DNAH9: variants seen among roughly 807,000 people sequenced by gnomAD.
DNAH9 encodes the protein DNAH9 variant protein.
In DNAH9, 345 loss-of-function variants were observed where a neutral mutation model predicts 471.6. That is an observed-to-expected ratio of 0.73 (90% confidence interval 0.67 to 0.80). The LOEUF (loss-of-function observed/expected upper bound fraction) is 0.80, where lower values mean the gene tolerates loss of function less well. Ranked by LOEUF, DNAH9 falls within the 30% of genes least tolerant of loss-of-function variation. DNAH9 has a pLI of 0.00. For missense variants in DNAH9, 5,407 were observed against 5,609.2 expected (o/e 0.96, Z 1.15); for synonymous variants, 2,093 against 2,123.6 (o/e 0.99, Z 0.40).
intron 27 of DNAH9, among the ~76,000 whole-genome samples, chr17:11,722,411 G>A (rs1172141771): frequency 6.6e-6 from 1 of 152,206 alleles, no homozygotes; most frequent in Non-Finnish European, 1.5e-5. Flanking sequence ...AGCAGGAATA[G>A]GTTTTGGTGA....
At chr17:11,905,901 C>A in intron 61 of DNAH9, 92 bp downstream of exon 61, 1 of 1,419,130 alleles carries the variant, frequency 7.0e-7, no homozygotes, top group African/African-American at 1.4e-5. Context: ...TGGATTCAAG[C>A]TTCAAATATG....
At chr17:11,671,952 C>T (rs989647399) in intron 17 of DNAH9, among the ~76,000 whole-genome samples, 3 of 152,192 alleles carry the variant, frequency 2.0e-5, no homozygotes, top group Non-Finnish European at 4.4e-5. Flanking sequence ...AGGTGTCTTC[C>T]GTCTTCTAGC....
chr17:11,763,551 T>G lies in DNAH9; in HGVS notation c.7107T>G (p.Ile2369Met). ...TCCCTGCAGACTGCCCTAAGGAAAT[T>G]TATGAGCATTATTTTGTGTTTGCTG... is the stretch of plus-strand genomic sequence containing the variant. Reference protein sequence around the residue: ...EDIPADCPKEIYEHYFVFAAI... With the variant: ...EDIPADCPKEMYEHYFVFAAI... The change falls in exon 36 of 69, where the codon ATT becomes ATG. Residue 2369 changes from isoleucine (I) to methionine (M), a missense_variant. Ile to Met is a conservative substitution (Grantham distance 10). This residue lies in a region of DNAH9 where 4,636 missense variants were observed against 4,900.3 expected (regional missense o/e 0.95). Coordinates refer to ENST00000262442, the MANE Select transcript of DNAH9 (RefSeq NM_001372.4). 1.9e-6 allele frequency: 3 copies of G among 1,614,106 alleles called. No homozygotes were observed. The highest frequency in any genetic ancestry group is 1.7e-6 in the Non-Finnish European group (2 of 1,180,012).
chr17:11,599,421 G>A (rs776732425), intron 1 of DNAH9, among the ~76,000 whole-genome samples: 1 of 152,170 alleles, frequency 6.6e-6, no homozygotes, highest in Non-Finnish European at 1.5e-5. Flanking sequence ...CTGGAGAGCA[G>A]TTAAATGGGA....
At chr17:11,690,897 A>G (rs1391173642) in intron 20 of DNAH9, among the ~76,000 whole-genome samples, 1 of 152,176 alleles carries the variant, frequency 6.6e-6, no homozygotes, top group Non-Finnish European at 1.5e-5. Context: ...ACCAGCTGTC[A>G]GCTAAACACC....
rs1186982981 is a variant in DNAH9 at position 11,902,838 on chromosome 17, G to A, written c.11526G>A (p.Trp3842Ter). ...AGAAAGAGAAGCTCCCACAGGAGTG[G>A]AAGAACAAGACAGCCCTGCAGCGCC... ...CPEKEKLPQEWKNKTALQRLC... is the reference protein window; with the variant it reads ...CPEKEKLPQE Residue 3842 changes from tryptophan to a stop codon, truncating the protein, a stop_gained, in exon 60 of 69, where the codon TGG becomes TGA. Coordinates refer to ENST00000262442, the MANE Select transcript of DNAH9 (RefSeq NM_001372.4). LOFTEE classifies it high-confidence loss of function. The A allele has an allele frequency of 1.3e-5, 21 of 1,613,898 alleles. No homozygotes were observed. Among genetic ancestry groups the A allele is most frequent in the Non-Finnish European group, 1.7e-5 (20 of 1,179,886 alleles).
At chr17:11,622,968 C>CTTTT (rs10551080) in intron 6 of DNAH9, among the ~76,000 whole-genome samples, 8 of 105,358 alleles carry the variant, frequency 7.6e-5, no homozygotes, top group African/African-American at 1.1e-4. Flanking sequence ...TTTTCTTTTT[C>CTTTT]TTTTTTTTTT....
chr17:11,598,806 T>G lies in DNAH9; in HGVS notation c.308T>G (p.Phe103Cys), dbSNP rs373784591. 833 of 1,480,534 alleles carry G rather than the reference T, an allele frequency of 5.6e-4. 4 individuals carry two copies. In the African/African-American group the frequency reaches 7.5e-3, roughly 13 times the overall value. The allele number at this position is 1,480,534 out of a possible 1,614,324, so 91.7% of individuals were successfully genotyped here. A position where few individuals can be genotyped will look rare whatever the true frequency, so the allele number is the denominator to read the frequency against. ...SGLAGAKALFFLRTGPEPPGP... is the reference protein window; with the variant it reads ...SGLAGAKALFCLRTGPEPPGP... ...CTGGCTGGCGCTAAGGCGCTTTTTT[T>G]CCTTCGCACCGGGCCCGAGCCTCCA... Residue 103 changes from phenylalanine to cysteine, a missense_variant, in exon 1 of 69, where the codon TTC (phenylalanine) becomes TGC (cysteine). By Grantham distance (205) the Phe-to-Cys change is radical (BLOSUM62 -2). Transcript: ENST00000262442.
At chr17:11,657,651 T>C (rs1004398452) in intron 14 of DNAH9, among the ~76,000 whole-genome samples, 1 of 152,080 alleles carries the variant, frequency 6.6e-6, no homozygotes, top group African/African-American at 2.4e-5. Context: ...TTATTTTTTT[T>C]CTTTTAGAAG....
chr17:11,803,106 T>C (rs1969528396), intron 43 of DNAH9, among the ~76,000 whole-genome samples: 1 of 152,236 alleles, frequency 6.6e-6, no homozygotes, highest in Non-Finnish European at 1.5e-5. Flanking sequence ...CTTTTTTCTT[T>C]GTGCTATTGC....
chr17:11,777,516 G>A (rs1305708207), intron 38 of DNAH9, among the ~76,000 whole-genome samples: 1 of 152,208 alleles, frequency 6.6e-6, no homozygotes, highest in Non-Finnish European at 1.5e-5. Context: ...AAAGAGCTTG[G>A]TTAAGGCATC....
intron 27 of DNAH9, among the ~76,000 whole-genome samples, chr17:11,726,496 G>A (rs1429823874): frequency 1.3e-5 from 2 of 152,120 alleles, no homozygotes; most frequent in African/African-American, 4.8e-5. Context: ...GTGGTTCCGC[G>A]GAATAAACTT....
chr17:11,794,054 T>TTG (rs1329357640), intron 42 of DNAH9, among the ~76,000 whole-genome samples: 1 of 146,012 alleles, frequency 6.8e-6, no homozygotes, highest in Admixed American at 6.8e-5. Flanking sequence ...TTTTTTTTTT[T>TTG]TTTTTTTTGA....
intron 26 of DNAH9, among the ~76,000 whole-genome samples, chr17:11,712,441 A>C (rs1375999712): frequency 3.3e-5 from 5 of 152,078 alleles, no homozygotes; most frequent in African/African-American, 9.6e-5. Flanking sequence ...TTAAGTGAAT[A>C]CTAGGAGGAA....
chr17:11,598,949 G>A, intron 1 of DNAH9, 34 bp downstream of exon 1: 1 of 1,434,034 alleles, frequency 7.0e-7, no homozygotes, highest in Non-Finnish European at 9.1e-7. Flanking sequence ...CGCGGCTAAA[G>A]CTGGGTGGGG....
chr17:11,828,612 T>G (rs1308509070), intron 48 of DNAH9, among the ~76,000 whole-genome samples: 3 of 152,170 alleles, frequency 2.0e-5, no homozygotes, highest in Admixed American at 6.5e-5. Context: ...CCTTGCATAT[T>G]TCTGCATCCT....
intron 57 of DNAH9, among the ~76,000 whole-genome samples, chr17:11,888,158 G>T (rs1463991773): frequency 6.6e-6 from 1 of 151,546 alleles, no homozygotes; most frequent in African/African-American, 2.4e-5. Flanking sequence ...AATTTTTTTT[G>T]TATTTTTAGT....
intron 49 of DNAH9, among the ~76,000 whole-genome samples, chr17:11,839,464 C>T (rs932488194): frequency 2.6e-5 from 4 of 151,164 alleles, no homozygotes; most frequent in Non-Finnish European, 2.9e-5. Flanking sequence ...TGCAGTGAGC[C>T]GAGATCGCGC....
intron 17 of DNAH9, among the ~76,000 whole-genome samples, chr17:11,673,601 G>GTTTTT (rs59481227): frequency 7.6e-6 from 1 of 131,012 alleles, no homozygotes; most frequent in Non-Finnish European, 1.6e-5. Flanking sequence ...GTTTATATTT[G>GTTTTT]TTTTTTTTTT....
Sources: gnomAD v4.1 joint callset for allele counts (sites outside exome capture counted in the v4.1 genomes callset) on GRCh38, gnomAD v4.1.1 for gene constraint, gnomAD v4.1.1 regional missense constraint, MANE v1.5 for transcripts, NCBI Gene and HGNC (gene_info 2026-07-23, HGNC 2026-07-21) for gene names.